SKIC3: variants seen among roughly 807,000 people sequenced by gnomAD.
SKIC3 encodes SKI3 subunit of superkiller complex.
chr5:95,494,839 CT>C, the SKIC3 span: 1 of 1,605,244 alleles, frequency 6.2e-7, no homozygotes, highest in Non-Finnish European at 8.5e-7. Context: ...ATAGCTCCCT[CT>C]CTTTCAAACT....
chr5:95,533,065 T>C, the SKIC3 span, among the ~76,000 whole-genome samples: 1 of 152,172 alleles, frequency 6.6e-6, no homozygotes, highest in African/African-American at 2.4e-5. Flanking sequence ...CCAGCTCTTT[T>C]CTGCTTGAAT....
At chr5:95,469,945 T>C in the SKIC3 span, 1 of 1,607,998 alleles carries the variant, frequency 6.2e-7, no homozygotes, top group Non-Finnish European at 8.5e-7. Context: ...AACTCAAAGA[T>C]TTGGCATATT....
At chr5:95,515,016 T>C in the SKIC3 span, 1 of 1,211,766 alleles carries the variant, frequency 8.3e-7, no homozygotes, top group Non-Finnish European at 1.2e-6. Context: ...GTCAAACCTC[T>C]CATCATAAAT....
At chr5:95,542,750 T>G in the SKIC3 span, among the ~76,000 whole-genome samples, 4 of 152,182 alleles carry the variant, frequency 2.6e-5, no homozygotes, top group African/African-American at 7.2e-5. Context: ...TTGGAGAATC[T>G]AAGTAAAAAC....
the SKIC3 span, among the ~76,000 whole-genome samples, chr5:95,475,145 T>C: frequency 6.6e-6 from 1 of 152,164 alleles, no homozygotes; most frequent in African/African-American, 2.4e-5. Context: ...GGGGAACCAG[T>C]AGGCTACATT....
chr5:95,489,142 C>A, the SKIC3 span, among the ~76,000 whole-genome samples: 1 of 151,964 alleles, frequency 6.6e-6, no homozygotes, highest in Non-Finnish European at 1.5e-5. Context: ...CATAGCAAGA[C>A]CTCATTTCTA....
At chr5:95,519,596 T>C in the SKIC3 span, among the ~76,000 whole-genome samples, 2 of 152,062 alleles carry the variant, frequency 1.3e-5, no homozygotes, top group Non-Finnish European at 2.9e-5. Flanking sequence ...TTTAAGAGCC[T>C]AAATTCTTAT....
At chr5:95,464,461 C>T in the SKIC3 span, 2 of 624,058 alleles carry the variant, frequency 3.2e-6, no homozygotes, top group Non-Finnish European at 2.7e-6. Context: ...AATTGCATTC[C>T]TAACTTAAAA....
the SKIC3 span, chr5:95,522,173 G>A: frequency 1.1e-5 from 17 of 1,613,860 alleles, no homozygotes; most frequent in Non-Finnish European, 1.4e-5. Flanking sequence ...ACTGTATATG[G>A]ATTCTGGGTT....
chr5:95,532,071 C>A, the SKIC3 span, among the ~76,000 whole-genome samples: 4 of 152,062 alleles, frequency 2.6e-5, no homozygotes, highest in Non-Finnish European at 5.9e-5. Context: ...AGTCTAAACA[C>A]CCTGCCTCCA....
At chr5:95,523,264 C>T in the SKIC3 span, 2 of 1,613,828 alleles carry the variant, frequency 1.2e-6, no homozygotes, top group Non-Finnish European at 1.7e-6. Context: ...TAAGCCAGGC[C>T]CATTTTGCCG....
the SKIC3 span, among the ~76,000 whole-genome samples, chr5:95,466,481 C>T: frequency 1.3e-5 from 2 of 152,138 alleles, no homozygotes; most frequent in African/African-American, 2.4e-5. Context: ...TCAACCCACA[C>T]CTAAGAAAAA....
chr5:95,541,934 C>CT, the SKIC3 span: 1 of 1,462,504 alleles, frequency 6.8e-7, no homozygotes, highest in South Asian at 1.2e-5. Flanking sequence ...CATGATTATT[C>CT]TTTTTCCTAA....
chr5:95,554,696 G>C, the SKIC3 span, among the ~76,000 whole-genome samples: 5 of 151,986 alleles, frequency 3.3e-5, no homozygotes, highest in Non-Finnish European at 7.3e-5. Context: ...GGGGGTCTAA[G>C]GCATTCACGG....
At chr5:95,528,789 A>C in the SKIC3 span, 6 of 556,366 alleles carry the variant, frequency 1.1e-5, no homozygotes, top group East Asian at 9.7e-5. Flanking sequence ...AATGCAGGAA[A>C]ATTTTGCTAA....
the SKIC3 span, among the ~76,000 whole-genome samples, chr5:95,475,773 G>A: frequency 1.3e-4 from 20 of 152,166 alleles, no homozygotes; most frequent in African/African-American, 2.7e-4. Flanking sequence ...TTTCACAGGC[G>A]TATACATTAG....
the SKIC3 span, among the ~76,000 whole-genome samples, chr5:95,484,006 C>T: frequency 1.3e-5 from 2 of 152,102 alleles, no homozygotes; most frequent in Non-Finnish European, 2.9e-5. Flanking sequence ...AATACTGCCT[C>T]TCTAATGACA....
chr5:95,487,420 A>G, the SKIC3 span, among the ~76,000 whole-genome samples: 1 of 152,104 alleles, frequency 6.6e-6, no homozygotes, highest in East Asian at 1.9e-4. Flanking sequence ...GTCTAAACCC[A>G]CTAACACCAG....
the SKIC3 span, chr5:95,516,330 T>C: frequency 6.2e-7 from 1 of 1,612,220 alleles, no homozygotes; most frequent in African/African-American, 1.3e-5. Flanking sequence ...GTTTTAAATA[T>C]GACAGACAGG....
Sources: gnomAD v4.1 joint callset for allele counts (sites outside exome capture counted in the v4.1 genomes callset) on GRCh38, gnomAD v4.1.1 for gene constraint, MANE v1.5 for transcripts, NCBI Gene and HGNC (gene_info 2026-07-23, HGNC 2026-07-21) for gene names.